DPH6: variants seen among roughly 807,000 people sequenced by gnomAD.
The protein encoded by DPH6 is diphthine--ammonia ligase.
DPH6 carries 33 observed loss-of-function variants against 38.2 expected under a neutral mutation model. That is an observed-to-expected ratio of 0.86 (90% confidence interval 0.65 to 1.15). The LOEUF (loss-of-function observed/expected upper bound fraction) is 1.15. Among genes scored for constraint, DPH6 ranks in the 50% most tolerant of loss-of-function variants. The pLI, the probability that DPH6 is intolerant of heterozygous loss-of-function variation, is 0.00. For synonymous variants in DPH6, 108 were observed against 103.0 expected (o/e 1.05, Z -0.30); for missense variants, 325 against 320.0 (o/e 1.02, Z -0.12).
intron 3 of DPH6, among the ~76,000 whole-genome samples, chr15:35,487,806 T>A (rs1029848917): frequency 6.6e-6 from 1 of 152,238 alleles, no homozygotes; most frequent in Non-Finnish European, 1.5e-5. Flanking sequence ...TATCACATGG[T>A]GAGACTGCAA....
intron 6 of DPH6, among the ~76,000 whole-genome samples, chr15:35,406,955 A>C (rs2053301679): frequency 6.6e-6 from 1 of 151,972 alleles, no homozygotes; most frequent in Admixed American, 6.6e-5. Context: ...TATGGAGGGA[A>C]CCACAATATA....
At chr15:35,436,195 G>A (rs910891849) in intron 5 of DPH6, among the ~76,000 whole-genome samples, 10 of 152,118 alleles carry the variant, frequency 6.6e-5, no homozygotes, top group East Asian at 3.9e-4. Context: ...TGCTGGGCGC[G>A]GTGGCTCATG....
Position 35,389,819 on chromosome 15 carries a change from T to C in DPH6, c.568-7903A>G, listed in dbSNP as rs151206984. ...CAATTTGCCAGTCTGTGCCTTTTAA[T>C]TGGAGCATTTAGCCCATTTACATTT... On this transcript the variant is annotated intron_variant, in intron 6 of 8. Coordinates refer to ENST00000256538, the MANE Select transcript of DPH6 (RefSeq NM_080650.4). Among the ~76,000 whole-genome samples the C allele has an allele frequency of 3.5e-3, 535 of 152,336 alleles. 4 individuals carry two copies. The highest frequency in any genetic ancestry group is 0.012 in the African/African-American group (517 of 41,580).
rs540446524 is a variant in DPH6 at position 35,297,823 on chromosome 15, T to G, written n.200+75698A>C. Among the ~76,000 whole-genome samples the G allele has an allele frequency of 2.6e-5, 4 of 151,490 alleles. No homozygotes were observed. In the East Asian group the frequency reaches 7.9e-4, roughly 30 times the overall value. ...CCTGTCAAAAAAACTTTCTCTCCAC[T>G]AACAAACCCTCTCCTTCCCTACACT... On this transcript the variant is annotated intron_variant and non_coding_transcript_variant, in intron 3 of 3. Coordinates refer to the DPH6 transcript ENST00000560386.
chr15:35,206,701 GAT>G, the DPH6 span, among the ~76,000 whole-genome samples: 2 of 152,122 alleles, frequency 1.3e-5, no homozygotes, highest in Non-Finnish European at 2.9e-5. Flanking sequence ...TTCACACACT[GAT>G]ATGATTAAAT....
chr15:35,296,820 C>G (rs567591445), intron 3 of DPH6, among the ~76,000 whole-genome samples: 1 of 62,278 alleles, frequency 1.6e-5, no homozygotes, highest in Non-Finnish European at 2.7e-5. Flanking sequence ...TTTTTTGAGA[C>G]GGAGTCTCGC....
intron 3 of DPH6, among the ~76,000 whole-genome samples, chr15:35,230,040 G>GGCTACC (rs1349281981): frequency 1.3e-5 from 2 of 152,098 alleles, no homozygotes; most frequent in Non-Finnish European, 2.9e-5. Context: ...ACCACTCCCT[G>GGCTACC]GCTACCACCT....
At chr15:35,488,946 TTCAG>T (rs972637833) in intron 3 of DPH6, among the ~76,000 whole-genome samples, 1 of 152,078 alleles carries the variant, frequency 6.6e-6, no homozygotes, top group African/African-American at 2.4e-5. Context: ...AGCTTTCACT[TTCAG>T]TCAATGAATG....
chr15:35,265,006 GT>G (rs2051774249), intron 3 of DPH6, among the ~76,000 whole-genome samples: 1 of 152,076 alleles, frequency 6.6e-6, no homozygotes, highest in African/African-American at 2.4e-5. Context: ...ACACTCCGAT[GT>G]TCATAATTAT....
intron 8 of DPH6, among the ~76,000 whole-genome samples, chr15:35,372,837 T>A (rs1316887261): frequency 6.6e-6 from 1 of 151,950 alleles, no homozygotes; most frequent in Non-Finnish European, 1.5e-5. Flanking sequence ...GAAAGAACAC[T>A]AAATATACAG....
intron 3 of DPH6, among the ~76,000 whole-genome samples, chr15:35,301,627 C>T (rs141883947): frequency 4.8e-4 from 73 of 152,206 alleles, no homozygotes; most frequent in African/African-American, 1.7e-3. Flanking sequence ...ATGCTATAGA[C>T]ATATCATCTA....
intron 5 of DPH6, among the ~76,000 whole-genome samples, chr15:35,435,093 T>TTAAG (rs1373479188): frequency 6.6e-6 from 1 of 152,082 alleles, no homozygotes. Flanking sequence ...TTTTGGTGAG[T>TTAAG]TAAGTAATAC....
chr15:35,314,120 A>T (rs556323645), intron 3 of DPH6, among the ~76,000 whole-genome samples: 35 of 152,060 alleles, frequency 2.3e-4, no homozygotes, highest in Admixed American at 7.9e-4. Context: ...AAAGAAAATT[A>T]AAAAAATGGT....
At chr15:35,263,598 G>A (rs1238404302) in intron 3 of DPH6, among the ~76,000 whole-genome samples, 1 of 151,774 alleles carries the variant, frequency 6.6e-6, no homozygotes, top group Non-Finnish European at 1.5e-5. Context: ...TGTAGAGACA[G>A]TCTCACTATA....
intron 6 of DPH6, among the ~76,000 whole-genome samples, chr15:35,387,696 T>C (rs149661545): frequency 2.6e-5 from 4 of 152,202 alleles, no homozygotes; most frequent in Non-Finnish European, 5.9e-5. Flanking sequence ...TGATTTTGTA[T>C]CCTGAGACTT....
chr15:35,184,818 G>C, the DPH6 span, among the ~76,000 whole-genome samples: 1 of 152,140 alleles, frequency 6.6e-6, no homozygotes, highest in Non-Finnish European at 1.5e-5. Context: ...GTGTCCTTAA[G>C]TATACACAAG....
chr15:35,422,491 T>C (rs1488179099), intron 5 of DPH6, among the ~76,000 whole-genome samples: 3 of 151,996 alleles, frequency 2.0e-5, no homozygotes, highest in South Asian at 2.1e-4. Context: ...ACTTTATATA[T>C]GCAAACACTG....
chr15:35,489,953 A>C (rs1009618822), intron 3 of DPH6: 2 of 981,968 alleles, frequency 2.0e-6, no homozygotes, highest in African/African-American at 3.5e-5. Flanking sequence ...TATTTTTAAC[A>C]AACAGCTAAA....
At chr15:35,470,371 T>C (rs1406749960) in intron 3 of DPH6, among the ~76,000 whole-genome samples, 1 of 151,154 alleles carries the variant, frequency 6.6e-6, no homozygotes, top group East Asian at 1.9e-4. Flanking sequence ...ATGAAAAAAA[T>C]GGGGATTTAA....
Sources: allele counts gnomAD v4.1 joint callset (sites outside exome capture counted in the v4.1 genomes callset), GRCh38; gene constraint gnomAD v4.1.1; transcripts MANE v1.5; gene names NCBI Gene and HGNC (gene_info 2026-07-23, HGNC 2026-07-21).